The following C11orf21 variants were observed in gnomAD, a reference collection of about 807,000 sequenced individuals.
C11orf21 encodes uncharacterized protein C11orf21.
In C11orf21, 19 loss-of-function variants were observed where a neutral mutation model predicts 15.2. That is an observed-to-expected ratio of 1.25 (90% CI 0.87 to 1.84). C11orf21 has a LOEUF of 1.84. Among genes scored for constraint, C11orf21 ranks in the 40% most tolerant of loss-of-function variants. The pLI is 0.00. For missense variants in C11orf21, 171 were observed against 174.4 expected (o/e 0.98, Z 0.11); for synonymous variants, 62 against 66.8 (o/e 0.93, Z 0.35).
intron 1 of C11orf21, chr11:2,300,942 A>G: frequency 4.7e-6 from 3 of 634,118 alleles, no homozygotes; most frequent in Non-Finnish European, 8.4e-6. Context: ...CCCCAGCTGA[A>G]GTGACACTGT....
chr11:2,300,414 A>C, intron 2 of C11orf21, 106 bp downstream of exon 2: 1 of 729,606 alleles, frequency 1.4e-6, no homozygotes. Context: ...TTCCTCTTGC[A>C]GAGGGAATGT....
chr11:2,303,069 G>C, upstream of C11orf21: 1 of 1,009,478 alleles, frequency 9.9e-7, no homozygotes, highest in Non-Finnish European at 1.5e-6. Flanking sequence ...CCCTAGGCAG[G>C]AGCCAGAGGT....
At chr11:2,303,102 C>T, upstream of C11orf21, 2 of 696,360 alleles carry the variant, frequency 2.9e-6, no homozygotes, top group South Asian at 1.9e-5. Context: ...GGAGGGGCTG[C>T]CCTGGAGTCC....
rs1236576158 is a variant in C11orf21, at chr11:2,296,593, G to T, written c.*1357C>A. The T allele has an allele frequency of 6.6e-6, 1 of 152,264 alleles. No homozygotes were observed. Among genetic ancestry groups the T allele is most frequent in the East Asian group, 1.9e-4 (1 of 5,202 alleles). The allele number at this position is 152,264 out of a possible 1,614,324, so 9.4% of individuals were successfully genotyped here. A position where few individuals can be genotyped will look rare whatever the true frequency, so the allele number is the denominator to read the frequency against. Reference sequence around the variant, plus strand: ...GGGGAAAGAAGAATAATGTAAATTTGTAGGAGTATGGCAAGGTCCTTCCTC... The same window carrying T: ...GGGGAAAGAAGAATAATGTAAATTTTTAGGAGTATGGCAAGGTCCTTCCTC... On this transcript the variant is annotated 3_prime_UTR_variant, in exon 4 of 4. Transcript: ENST00000381153. This position sits in a 1 kb window ranked among gnomAD's most constrained non-coding sequence, Gnocchi z 5.6.
upstream of C11orf21, chr11:2,302,974 G>A (rs777841962): frequency 6.2e-6 from 10 of 1,606,698 alleles, no homozygotes; most frequent in African/African-American, 1.3e-5. Flanking sequence ...TGAGGTCCAG[G>A]CCTGGCTGCA....
upstream of C11orf21, chr11:2,302,588 G>A: frequency 1.8e-6 from 1 of 560,390 alleles, no homozygotes; most frequent in Non-Finnish European, 3.2e-6. Context: ...ACAATGATCA[G>A]AGGTCCTGGG....
At chr11:2,298,794 G>A (rs1265769111) in intron 3 of C11orf21, among the ~76,000 whole-genome samples, 1 of 151,932 alleles carries the variant, frequency 6.6e-6, no homozygotes, top group East Asian at 1.9e-4. Flanking sequence ...GCAGGTGTGG[G>A]GTCCCTTTAG....
chr11:2,302,630 G>C, upstream of C11orf21: 1 of 586,452 alleles, frequency 1.7e-6, no homozygotes, highest in South Asian at 2.0e-5. Context: ...GCGTGTATGC[G>C]TCTACCATGT....
intron 3 of C11orf21, among the ~76,000 whole-genome samples, chr11:2,298,908 T>G (rs1589783076): frequency 1.3e-5 from 2 of 151,692 alleles, no homozygotes; most frequent in African/African-American, 4.8e-5. Flanking sequence ...GGAAGCAGGG[T>G]GCCCCTCAGT....
chr11:2,300,485 C>A (rs954560679), intron 2 of C11orf21, 35 bp downstream of exon 2: 2 of 1,396,692 alleles, frequency 1.4e-6, no homozygotes, highest in African/African-American at 2.9e-5. Context: ...CCTGCCCCCG[C>A]TGGTGGGGCA....
chr11:2,300,902 C>G, intron 1 of C11orf21: 1 of 786,840 alleles, frequency 1.3e-6, no homozygotes, highest in Non-Finnish European at 2.1e-6. Context: ...TACATTCATA[C>G]CTGCGCCCCA....
chr11:2,300,088 TG>T (rs1847650240), intron 2 of C11orf21, among the ~76,000 whole-genome samples: 1 of 51,258 alleles, frequency 2.0e-5, no homozygotes, highest in African/African-American at 8.1e-5. Context: ...CAGGGGTGTG[TG>T]GGGTGGGCAG....
upstream of C11orf21, chr11:2,302,007 G>C (rs371222318): frequency 3.4e-6 from 5 of 1,487,636 alleles, no homozygotes; most frequent in South Asian, 4.1e-5. Flanking sequence ...CCAGCAGCTC[G>C]GTCCTAGGGC....
chr11:2,300,943 G>A (rs866935683), intron 1 of C11orf21: 12 of 632,532 alleles, frequency 1.9e-5, no homozygotes, highest in East Asian at 5.5e-5. Flanking sequence ...CCCAGCTGAA[G>A]TGACACTGTG....
chr11:2,296,759 G>C lies in C11orf21; in HGVS notation c.*1191C>G, dbSNP rs1381560060. ...GTTCCAATCACTGCCGGTGCCAGTT[G>C]CCATCTCAGCCACAGGCCCGGGGCC... On this transcript the variant is annotated 3_prime_UTR_variant, in exon 4 of 4. Transcript: ENST00000381153. The surrounding 1 kb of genome is among the most constrained non-coding windows in gnomAD (Gnocchi z 5.6). 3 of 152,374 alleles carry C rather than the reference G, an allele frequency of 2.0e-5. No homozygotes were observed. In the East Asian group the frequency reaches 5.8e-4, roughly 29 times the overall value. 9.4% of individuals were successfully genotyped at this position (152,374 alleles called of 1,614,324 possible).
rs370098097 is a variant in C11orf21, at chr11:2,295,930, C to A, written c.*2020G>T. ...CTATATTAAAAATTAAAGCTTTCAC[C>A]AGATCAATGGCTGTAGACCAGGTGT... is the stretch of plus-strand genomic sequence containing the variant. On this transcript the variant is annotated 3_prime_UTR_variant, in exon 4 of 4. Transcript: ENST00000381153. The surrounding 1 kb of genome is among the most constrained non-coding windows in gnomAD (Gnocchi z 5.4). The A allele has an allele frequency of 6.6e-6, 1 of 152,156 alleles. No individual in the cohort carries two copies. Among genetic ancestry groups the A allele is most frequent in the Non-Finnish European group, 1.5e-5 (1 of 68,026 alleles). The allele number at this position is 152,156 out of a possible 1,614,324, so 9.4% of individuals were successfully genotyped here.
upstream of C11orf21, chr11:2,302,957 G>A (rs1050806654): frequency 1.9e-6 from 3 of 1,612,758 alleles, no homozygotes; most frequent in African/African-American, 4.0e-5. Context: ...TGCACCAATG[G>A]GGTAAGTGAG....
chr11:2,301,721 T>C, intron 1 of C11orf21, 35 bp downstream of exon 1: 2 of 1,523,360 alleles, frequency 1.3e-6, no homozygotes, highest in Non-Finnish European at 1.8e-6. Flanking sequence ...CAAGGCCCAG[T>C]CCACACTTGC....
In C11orf21 at chr11:2,301,906, C is replaced by A; in HGVS notation, c.-98G>T. 1 of 1,541,762 alleles carries A rather than the reference C, an allele frequency of 6.5e-7. No homozygotes were observed. Among genetic ancestry groups the A allele is most frequent in the Non-Finnish European group, 8.7e-7 (1 of 1,144,224 alleles). ...CAGATGTCAGCAAATGCCCTGGTGT[C>A]TTGGGCTGGGCTGGGGGCACCAGGG... On this transcript the variant is annotated 5_prime_UTR_variant, in exon 1 of 4. Transcript: ENST00000381153.
Sources: gnomAD v4.1 joint callset for allele counts (sites outside exome capture counted in the v4.1 genomes callset) on GRCh38, gnomAD v4.1.1 for gene constraint, Gnocchi (gnomAD v3.1) non-coding constraint, MANE v1.5 for transcripts, NCBI Gene and HGNC (gene_info 2026-07-23, HGNC 2026-07-21) for gene names.